Variants in UBLCP1 observed in about 807,000 individuals in gnomAD.
UBLCP1 encodes ubiquitin-like domain-containing CTD phosphatase 1.
UBLCP1 carries 28 observed loss-of-function variants against 42.4 expected under a neutral mutation model. The ratio of observed to expected loss-of-function variants is 0.66; its 90% CI spans 0.49 to 0.90. UBLCP1 has a LOEUF of 0.90. Ranked by LOEUF, UBLCP1 falls within the 40% of genes least tolerant of loss-of-function variation. The pLI, the probability that UBLCP1 is intolerant of heterozygous loss-of-function variation, is 0.00. For missense variants in UBLCP1, 279 were observed against 374.5 expected (o/e 0.75, Z 2.10); for synonymous variants, 122 against 120.8 (o/e 1.01, Z -0.07).
chr5:159,278,193 GA>G (rs1413736682), intron 8 of UBLCP1, 44 bp from the exon 9 acceptor site: 1 of 1,351,666 alleles, frequency 7.4e-7, no homozygotes, highest in South Asian at 1.2e-5. Flanking sequence ...AAGACAGGAT[GA>G]AATATTGATA....
intron 1 of UBLCP1, among the ~76,000 whole-genome samples, chr5:159,263,907 G>A (rs1279269156): frequency 6.6e-6 from 1 of 152,174 alleles, no homozygotes; most frequent in Non-Finnish European, 1.5e-5. Context: ...TTTTAGGTTT[G>A]TGGTCCCGGG....
chr5:159,269,247 A>G (rs1277638357), intron 2 of UBLCP1, among the ~76,000 whole-genome samples, 178 bp downstream of exon 2: 1 of 152,232 alleles, frequency 6.6e-6, no homozygotes, highest in Admixed American at 6.5e-5. Context: ...TGGTAAAAGT[A>G]AGAATATTAA....
chr5:159,285,217 C>G lies in UBLCP1; in HGVS notation c.*286C>G, dbSNP rs1654593436. On this transcript the variant is annotated 3_prime_UTR_variant, in exon 11 of 11. Coordinates refer to ENST00000296786, the MANE Select transcript of UBLCP1 (RefSeq NM_145049.5). ...CCCACCACACACACACACACACACA[C>G]ACACACACACACACACACACACACA... is the stretch of plus-strand genomic sequence containing the variant. 1 of 248,082 alleles carries G rather than the reference C, an allele frequency of 4.0e-6. No homozygotes were observed. Among genetic ancestry groups the G allele is most frequent in the Non-Finnish European group, 7.5e-6 (1 of 132,566 alleles). 15.4% of individuals were successfully genotyped at this position (248,082 alleles called of 1,614,324 possible).
Position 159,277,226 on chromosome 5 carries a change from A to G in UBLCP1, c.685-1012A>G, listed in dbSNP as rs201288908. 2.0e-5 allele frequency among the ~76,000 whole-genome samples: 3 copies of G among 152,232 alleles called. No individual in the cohort carries two copies. The East Asian group carries it at 5.8e-4, about 29-fold the overall frequency. The stretch of plus-strand genomic sequence containing the variant: ...TAGTAAACAAGATCAGTAGCAAAAA[A>G]AAATCAGGAAAGTAAAATTTTAGTA... On this transcript the variant is annotated intron_variant, in intron 8 of 10. Coordinates refer to ENST00000296786, the MANE Select transcript of UBLCP1 (RefSeq NM_145049.5).
At chr5:159,271,580 AAAC>A (rs1265586067) in intron 5 of UBLCP1, among the ~76,000 whole-genome samples, 1 of 152,252 alleles carries the variant, frequency 6.6e-6, no homozygotes, top group Non-Finnish European at 1.5e-5. Context: ...CCTAAACCTA[AAAC>A]ATAAGTTAAT....
chr5:159,277,701 G>A (rs564479984), intron 8 of UBLCP1, among the ~76,000 whole-genome samples: 10 of 152,164 alleles, frequency 6.6e-5, no homozygotes, highest in Non-Finnish European at 1.3e-4. Flanking sequence ...TGGTGCTTCC[G>A]AAGTTAAGCA....
At position 159,269,014 on chromosome 5, in the gene UBLCP1, G is replaced by C. The variant is rs762517951; in HGVS notation, c.99G>C (p.Lys33Asn). 1.2e-6 allele frequency: 2 copies of C among 1,610,602 alleles called. No individual in the cohort carries two copies. Among genetic ancestry groups the C allele is most frequent in the Non-Finnish European group, 1.7e-6 (2 of 1,178,746 alleles). ...TGCTCGATCTCAAACAGTTTCTCAA[G>C]ACCCTTACAGGAGTTCTTCCAGAAC... ...DTVLDLKQFL[K>N]TLTGVLPERQ... The change falls in exon 2 of 11, where the codon AAG (lysine) becomes AAC (asparagine). Residue 33 changes from lysine to asparagine, a missense_variant. Transcript: ENST00000296786.
chr5:159,272,176 A>G (rs1753476462), intron 6 of UBLCP1, 55 bp downstream of exon 6: 2 of 1,374,178 alleles, frequency 1.5e-6, no homozygotes, highest in Admixed American at 1.7e-5. Flanking sequence ...TCCATATATT[A>G]TTGTGCTGTA....
intron 10 of UBLCP1, 74 bp downstream of exon 10, chr5:159,283,413 CAGTAT>C: frequency 2.5e-6 from 3 of 1,212,324 alleles, no homozygotes; most frequent in Non-Finnish European, 3.5e-6. Flanking sequence ...TCAGTGACCC[CAGTAT>C]ATATATAGCT....
intron 5 of UBLCP1, among the ~76,000 whole-genome samples, chr5:159,271,820 G>A (rs141423277): frequency 2.4e-3 from 372 of 152,302 alleles, no homozygotes; most frequent in African/African-American, 8.4e-3. Flanking sequence ...GAACAAAATT[G>A]ATCGACTAAA....
chr5:159,275,012 TC>T, intron 7 of UBLCP1, 135 bp from the exon 8 acceptor site: 3 of 713,066 alleles, frequency 4.2e-6, no homozygotes, highest in Non-Finnish European at 7.2e-6. Flanking sequence ...CTAAAATACT[TC>T]CTAGTTGTTT....
intron 9 of UBLCP1, among the ~76,000 whole-genome samples, chr5:159,278,927 A>T (rs1753572527): frequency 6.6e-6 from 1 of 152,160 alleles, no homozygotes; most frequent in Non-Finnish European, 1.5e-5. Flanking sequence ...CCCAACATTG[A>T]CTTTTAGCAT....
chr5:159,268,866 C>G lies in UBLCP1; in HGVS notation c.-46-4C>G, dbSNP rs1415178661. ...AACTTGTTCATTTTTGTCTTCCTTTCCAGGTATTTTTTTTTCTGAAGGAAA... is the reference window on the plus strand; with the variant it reads ...AACTTGTTCATTTTTGTCTTCCTTTGCAGGTATTTTTTTTTCTGAAGGAAA... On this transcript the variant is annotated splice_polypyrimidine_tract_variant and splice_region_variant and intron_variant, in intron 1 of 10. Coordinates refer to ENST00000296786, the MANE Select transcript of UBLCP1 (RefSeq NM_145049.5). 6.3e-7 allele frequency: 1 copy of G among 1,574,802 alleles called. No homozygotes were observed. Among genetic ancestry groups the G allele is most frequent in the Non-Finnish European group, 8.6e-7 (1 of 1,162,656 alleles).
chr5:159,277,139 TATTA>T (rs1222772548), intron 8 of UBLCP1, among the ~76,000 whole-genome samples: 2 of 152,036 alleles, frequency 1.3e-5, no homozygotes, highest in Non-Finnish European at 2.9e-5. Flanking sequence ...TGGCTTATTG[TATTA>T]ATTCTTATAT....
At chr5:159,265,917 A>G (rs1366703745) in intron 1 of UBLCP1, among the ~76,000 whole-genome samples, 1 of 152,004 alleles carries the variant, frequency 6.6e-6, no homozygotes, top group African/African-American at 2.4e-5. Context: ...CTCCTGACCT[A>G]AGGTGATTCA....
At chr5:159,268,068 A>G (rs1469274267) in intron 1 of UBLCP1, among the ~76,000 whole-genome samples, 2 of 152,234 alleles carry the variant, frequency 1.3e-5, no homozygotes, top group Admixed American at 6.5e-5. Context: ...CTATGTGTCT[A>G]TGTACAGATT....
chr5:159,275,023 T>C (rs1326984947), intron 7 of UBLCP1, 125 bp from the exon 8 acceptor site: 6 of 754,606 alleles, frequency 8.0e-6, no homozygotes, highest in Non-Finnish European at 1.3e-5. Context: ...CCTAGTTGTT[T>C]AGCAAGATGT....
rs769813957 is a variant in UBLCP1 at position 159,275,140 on chromosome 5, G to A, written c.586-8G>A. The A allele has an allele frequency of 1.9e-6, 3 of 1,610,672 alleles. No individual in the cohort carries two copies. In the Admixed American group the frequency reaches 5.0e-5, roughly 27 times the overall value. ...ATGTTTTAACCTCACAAATATTTGT[G>A]TTTATAGGAGCTGGGAGTGAGCACA... On this transcript the variant is annotated splice_polypyrimidine_tract_variant and splice_region_variant and intron_variant, in intron 7 of 10. Coordinates refer to ENST00000296786, the MANE Select transcript of UBLCP1 (RefSeq NM_145049.5).
intron 1 of UBLCP1, among the ~76,000 whole-genome samples, chr5:159,265,769 A>G (rs1339702704): frequency 2.0e-5 from 3 of 152,146 alleles, no homozygotes; most frequent in Non-Finnish European, 4.4e-5. Flanking sequence ...ACCTTCTGCC[A>G]TGATTCTGAG....
Sources: gnomAD v4.1 joint callset for allele counts (sites outside exome capture counted in the v4.1 genomes callset) on GRCh38, gnomAD v4.1.1 for gene constraint, MANE v1.5 for transcripts, NCBI Gene and HGNC (gene_info 2026-07-23, HGNC 2026-07-21) for gene names.